Variants in LRRC4C observed in about 807,000 individuals in gnomAD.
The protein encoded by LRRC4C is leucine rich repeat containing 4C.
LRRC4C carries 5 observed loss-of-function variants against 33.6 expected under a neutral mutation model. The ratio of observed to expected loss-of-function variants is 0.15; its 90% CI spans 0.08 to 0.31. LRRC4C has a LOEUF of 0.31. Among genes scored for constraint, LRRC4C ranks in the 10% least tolerant of loss-of-function variants. The pLI is 1.00. For missense variants in LRRC4C, 560 were observed against 796.7 expected, an observed-to-expected ratio of 0.70 and a Z score of 3.58; for synonymous variants, 329 against 302.0, an observed-to-expected ratio of 1.09 and a Z score of -0.93.
At chr11:41,417,023 C>T (rs946509074) in intron 1 of LRRC4C, among the ~76,000 whole-genome samples, 2 of 151,856 alleles carry the variant, frequency 1.3e-5, no homozygotes, top group Non-Finnish European at 2.9e-5. Flanking sequence ...TAAAGAATAC[C>T]AGTAGTGAAT....
At position 41,392,096 on chromosome 11, in the gene LRRC4C, G is replaced by T. The variant is rs73469974; in HGVS notation, c.-496+67335C>A. On this transcript the variant is annotated intron_variant, in intron 1 of 6. Coordinates refer to ENST00000528697, the MANE Select transcript of LRRC4C (RefSeq NM_001258419.2). The stretch of plus-strand genomic sequence containing the variant: ...ACAGAAGTAGGAGAAAACCGTTTAC[G>T]AGGGGAAAATACAAAGGCATATGTA... Among the ~76,000 whole-genome samples, 686 of 151,974 alleles carry T rather than the reference G, an allele frequency of 4.5e-3. 7 individuals are homozygous for T. The highest frequency in any genetic ancestry group is 0.016 in the African/African-American group (650 of 41,498).
intron 2 of LRRC4C, among the ~76,000 whole-genome samples, chr11:40,785,164 C>T (rs888144453): frequency 2.0e-5 from 3 of 152,058 alleles, no homozygotes; most frequent in Non-Finnish European, 2.9e-5. Context: ...TGTCTGGATA[C>T]GATAAGAGAT....
intron 5 of LRRC4C, among the ~76,000 whole-genome samples, chr11:40,219,450 T>G (rs996261830): frequency 6.6e-6 from 1 of 152,232 alleles, no homozygotes; most frequent in African/African-American, 2.4e-5. Context: ...TTTTGTTTGC[T>G]GCTTTATCCC....
intron 6 of LRRC4C, among the ~76,000 whole-genome samples, chr11:40,138,711 A>T (rs1254770291): frequency 3.3e-5 from 5 of 152,242 alleles, no homozygotes; most frequent in Non-Finnish European, 7.3e-5. Context: ...TATGTTGCAC[A>T]GTAGGTACTC....
rs1042726925 is a variant in LRRC4C, at chr11:40,886,883, A to G, written c.-407+46752T>C. ...AATACACAAGCAAATATGTTTATATATGTGTGTGTGTGTGTGTGTATATAC... is the reference window on the plus strand; with the variant it reads ...AATACACAAGCAAATATGTTTATATGTGTGTGTGTGTGTGTGTGTATATAC... On this transcript the variant is annotated intron_variant, in intron 2 of 6. Transcript: ENST00000528697. Among the ~76,000 whole-genome samples, 12 of 149,110 alleles carry G rather than the reference A, an allele frequency of 8.0e-5. No individual in the cohort carries two copies. The East Asian group carries it at 9.8e-4, about 12-fold the overall frequency.
chr11:40,663,629 C>A (rs1424349790), intron 2 of LRRC4C, among the ~76,000 whole-genome samples: 1 of 152,014 alleles, frequency 6.6e-6, no homozygotes, highest in Non-Finnish European at 1.5e-5. Flanking sequence ...GTGGGGTGAG[C>A]CAAACAGAAA....
At chr11:41,068,825 G>A (rs907430500) in intron 1 of LRRC4C, among the ~76,000 whole-genome samples, 2 of 151,998 alleles carry the variant, frequency 1.3e-5, no homozygotes, top group Admixed American at 6.6e-5. Flanking sequence ...ATTAACGGCC[G>A]AATTCTACCA....
intron 1 of LRRC4C, among the ~76,000 whole-genome samples, chr11:41,131,062 C>A (rs1468412432): frequency 6.6e-6 from 1 of 151,866 alleles, no homozygotes; most frequent in African/African-American, 2.4e-5. Flanking sequence ...TTTTAGTTAA[C>A]CATACAACCA....
At chr11:40,493,737 G>A (rs1342436605) in intron 3 of LRRC4C, among the ~76,000 whole-genome samples, 1 of 152,084 alleles carries the variant, frequency 6.6e-6, no homozygotes, top group Admixed American at 6.6e-5. Context: ...TAAAAATTTG[G>A]AGCCTAATCC....
At chr11:41,362,941 T>G (rs1330162494) in intron 1 of LRRC4C, among the ~76,000 whole-genome samples, 1 of 152,152 alleles carries the variant, frequency 6.6e-6, no homozygotes, top group Non-Finnish European at 1.5e-5. Context: ...CAAAATCACA[T>G]CTGCAAATTC....
At chr11:41,260,069 AT>A (rs1022950286) in intron 1 of LRRC4C, among the ~76,000 whole-genome samples, 3 of 151,900 alleles carry the variant, frequency 2.0e-5, no homozygotes, top group Non-Finnish European at 2.9e-5. Context: ...TCTGGAGATT[AT>A]TTTTTGTCAT....
intron 1 of LRRC4C, among the ~76,000 whole-genome samples, chr11:41,000,004 C>T (rs1349378631): frequency 6.6e-6 from 1 of 151,830 alleles, no homozygotes; most frequent in African/African-American, 2.4e-5. Flanking sequence ...GGCTGGAGAA[C>T]AAGGGTGAGA....
chr11:41,029,587 CT>C (rs1333556221), intron 1 of LRRC4C, among the ~76,000 whole-genome samples: 10 of 151,648 alleles, frequency 6.6e-5, no homozygotes, highest in Non-Finnish European at 1.5e-4. Context: ...TTCATTTAAC[CT>C]TGTAATTACA....
chr11:41,028,250 G>A (rs545139521), intron 1 of LRRC4C, among the ~76,000 whole-genome samples: 1 of 151,084 alleles, frequency 6.6e-6, no homozygotes, highest in Non-Finnish European at 1.5e-5. Flanking sequence ...ATTCAGATAA[G>A]CAAATATCAA....
At chr11:40,381,840 T>C (rs758967926) in intron 3 of LRRC4C, among the ~76,000 whole-genome samples, 12 of 152,172 alleles carry the variant, frequency 7.9e-5, no homozygotes, top group Non-Finnish European at 1.6e-4. Flanking sequence ...TACATTCTTA[T>C]GAATTATTCA....
chr11:40,457,064 A>G (rs1443810046), intron 3 of LRRC4C, among the ~76,000 whole-genome samples: 5 of 151,486 alleles, frequency 3.3e-5, no homozygotes, highest in African/African-American at 1.2e-4. Flanking sequence ...AAAGGTCAAC[A>G]GCTCAGAATT....
chr11:40,392,694 T>A (rs547920448), intron 3 of LRRC4C, among the ~76,000 whole-genome samples: 1 of 152,078 alleles, frequency 6.6e-6, no homozygotes, highest in South Asian at 2.1e-4. Flanking sequence ...AGAAAAAAAA[T>A]GTAGCATCTG....
intron 1 of LRRC4C, among the ~76,000 whole-genome samples, chr11:41,296,637 A>G (rs1349180421): frequency 2.0e-5 from 3 of 152,226 alleles, no homozygotes; most frequent in Middle Eastern, 3.4e-3. Context: ...GAGGTCCCCA[A>G]ATAAGAACGA....
intron 3 of LRRC4C, among the ~76,000 whole-genome samples, chr11:40,416,823 C>T (rs865940328): frequency 6.6e-6 from 1 of 152,170 alleles, no homozygotes; most frequent in Middle Eastern, 3.2e-3. Context: ...AGACTGTAAA[C>T]CCCAATAGGG....
Sources: allele counts gnomAD v4.1 joint callset (sites outside exome capture counted in the v4.1 genomes callset), GRCh38; gene constraint gnomAD v4.1.1; transcripts MANE v1.5; gene names NCBI Gene and HGNC (gene_info 2026-07-23, HGNC 2026-07-21).